Variants in ABCB5 observed in about 807,000 individuals in gnomAD.
ABCB5 encodes ATP binding cassette subfamily B member 5, also known as ATP-binding cassette sub-family B member 5.
ABCB5 carries 155 observed loss-of-function variants against 144.2 expected under a neutral mutation model. That is an observed-to-expected ratio of 1.08 (90% CI 0.94 to 1.23). The LOEUF (loss-of-function observed/expected upper bound fraction) is 1.23. ABCB5 is among the 50% of genes most tolerant of loss of function. The pLI, the probability that ABCB5 is intolerant of heterozygous loss-of-function variation, is 0.00. For synonymous variants in ABCB5, 610 were observed against 528.6 expected (o/e 1.15, Z -2.11); for missense variants, 1,830 against 1,520.8 (o/e 1.20, Z -3.38).
intron 21 of ABCB5, among the ~76,000 whole-genome samples, chr7:20,725,318 C>T (rs1196963514): frequency 2.6e-5 from 4 of 152,244 alleles, no homozygotes; most frequent in East Asian, 1.9e-4. Flanking sequence ...CGCTGGCTTA[C>T]GCCTGTAATC....
intron 1 of ABCB5, among the ~76,000 whole-genome samples, chr7:20,616,591 A>G (rs1000118935): frequency 6.6e-6 from 1 of 152,200 alleles, no homozygotes; most frequent in Non-Finnish European, 1.5e-5. Flanking sequence ...ACTTGCCATG[A>G]TAGCATCCAC....
intron 16 of ABCB5, among the ~76,000 whole-genome samples, chr7:20,690,934 T>C (rs563749192): frequency 3.9e-4 from 59 of 152,320 alleles, no homozygotes; most frequent in African/African-American, 1.3e-3. Flanking sequence ...ATTTTCACTT[T>C]CAACCAAGAT....
At chr7:20,724,896 T>A (rs1015280595) in intron 21 of ABCB5, among the ~76,000 whole-genome samples, 1 of 152,206 alleles carries the variant, frequency 6.6e-6, no homozygotes, top group Non-Finnish European at 1.5e-5. Flanking sequence ...TTGGATTGTT[T>A]GCTTGTGCTG....
At chr7:20,662,839 C>T (rs1363077418) in intron 14 of ABCB5, among the ~76,000 whole-genome samples, 2 of 152,062 alleles carry the variant, frequency 1.3e-5, no homozygotes, top group African/African-American at 2.4e-5. Flanking sequence ...AATAAACCAC[C>T]ATAACTCTTT....
Position 20,666,815 on chromosome 7 carries a change from A to G in ABCB5, c.1707+8139A>G, listed in dbSNP as rs761627121. ...TCTACCACACTATCTACGTTGAGGT[A>G]TCTGGAACCACAGTGGTATGAATTG... On this transcript the variant is annotated intron_variant, in intron 14 of 27. Coordinates refer to ENST00000404938, the MANE Select transcript of ABCB5 (RefSeq NM_001163941.2). 6.4e-6 allele frequency: 10 copies of G among 1,574,000 alleles called. No individual in the cohort carries two copies. In the South Asian group the frequency reaches 8.6e-5, roughly 13 times the overall value.
At chr7:20,667,847 G>C (rs1245255016) in intron 14 of ABCB5, among the ~76,000 whole-genome samples, 20 of 150,128 alleles carry the variant, frequency 1.3e-4, no homozygotes, top group Non-Finnish European at 2.4e-4. Context: ...TCAGCCTGCC[G>C]AGTGCCTGCG....
chr7:20,645,777 A>G lies in ABCB5; in HGVS notation c.700A>G (p.Lys234Glu), dbSNP rs746834535. 6.2e-7 allele frequency: 1 copy of G among 1,613,852 alleles called. No individual in the cohort carries two copies. Residue 234 changes from lysine (K) to glutamate (E), a missense_variant, in exon 8 of 28, where the codon AAG becomes GAG. Physicochemically the swap from Lys to Glu is moderately conservative, Grantham distance 56 (BLOSUM62 1). Coordinates refer to ENST00000404938, the MANE Select transcript of ABCB5 (RefSeq NM_001163941.2). The part of the protein sequence containing the change: ...CSRMVISLTS[K>E]ELSAYSKAGA... ...ACAGATGGTCATCTCATTGACCAGT[A>G]AGGAATTAAGTGCCTATTCCAAAGC... is the stretch of plus-strand genomic sequence containing the variant.
intron 14 of ABCB5, among the ~76,000 whole-genome samples, chr7:20,673,835 G>C (rs1359643395): frequency 6.6e-6 from 1 of 151,628 alleles, no homozygotes; most frequent in East Asian, 1.9e-4. Flanking sequence ...ATCGATTCTT[G>C]GTTTCTGCTT....
intron 20 of ABCB5, among the ~76,000 whole-genome samples, chr7:20,717,408 A>G (rs183482298): frequency 2.9e-3 from 430 of 147,752 alleles, no homozygotes; most frequent in African/African-American, 0.01. Flanking sequence ...TTCTCTGTGT[A>G]TGCAGTGTCT....
chr7:20,723,314 T>C (rs62453385), intron 21 of ABCB5, 95 bp downstream of exon 21: 433,139 of 1,260,398 alleles, frequency 0.34, 77,791 homozygotes, highest in Middle Eastern at 0.38. Context: ...TAACCATCTT[T>C]ATGATATATT....
At chr7:20,692,270 A>C (rs572896038) in intron 16 of ABCB5, among the ~76,000 whole-genome samples, 13 of 152,192 alleles carry the variant, frequency 8.5e-5, no homozygotes, top group Non-Finnish European at 1.8e-4. Context: ...GATGAGGAAA[A>C]AGACAAGAAA....
At chr7:20,716,259 T>C (rs939617332) in intron 20 of ABCB5, among the ~76,000 whole-genome samples, 1 of 152,056 alleles carries the variant, frequency 6.6e-6, no homozygotes. Flanking sequence ...TTAATACATG[T>C]ATCAAGGTCT....
At chr7:20,649,884 A>G in intron 11 of ABCB5, 138 bp from the exon 12 acceptor site, 2 of 919,954 alleles carry the variant, frequency 2.2e-6, no homozygotes, top group Admixed American at 2.8e-5. Context: ...ACACATGTAC[A>G]TGAAACAAAC....
At chr7:20,713,559 C>T (rs578071475) in intron 20 of ABCB5, among the ~76,000 whole-genome samples, 1 of 149,750 alleles carries the variant, frequency 6.7e-6, no homozygotes, top group Admixed American at 6.7e-5. Context: ...TGACTGGATG[C>T]TACACATTGT....
chr7:20,646,425 T>C (rs1357208964), intron 9 of ABCB5, among the ~76,000 whole-genome samples: 1 of 152,194 alleles, frequency 6.6e-6, no homozygotes, highest in African/African-American at 2.4e-5. Context: ...TTTGTTAATC[T>C]AGCAGTGAAA....
intron 1 of ABCB5, 77 bp from the exon 2 acceptor site, chr7:20,623,188 G>A: frequency 1.2e-6 from 1 of 839,570 alleles, no homozygotes; most frequent in East Asian, 2.7e-5. Context: ...AGAGATGTGG[G>A]ATGTAAAGAA....
chr7:20,675,295 C>T (rs1459745608), intron 14 of ABCB5, among the ~76,000 whole-genome samples: 1 of 151,950 alleles, frequency 6.6e-6, no homozygotes, highest in Non-Finnish European at 1.5e-5. Flanking sequence ...TAAAAATAAA[C>T]ATGGAGGCCA....
intron 1 of ABCB5, 45 bp from the exon 2 acceptor site, chr7:20,623,220 T>A: frequency 2.6e-6 from 3 of 1,142,174 alleles, no homozygotes; most frequent in South Asian, 2.7e-5. Context: ...AACTAAGTGA[T>A]AAAAGTCACA....
chr7:20,720,294 CATT>C (rs1781818037), intron 20 of ABCB5, among the ~76,000 whole-genome samples: 1 of 152,270 alleles, frequency 6.6e-6, no homozygotes, highest in South Asian at 2.1e-4. Context: ...ATTTAAAAGT[CATT>C]AGTTCATACT....
Sources: gnomAD v4.1 joint callset for allele counts (sites outside exome capture counted in the v4.1 genomes callset) on GRCh38, gnomAD v4.1.1 for gene constraint, MANE v1.5 for transcripts, NCBI Gene and HGNC (gene_info 2026-07-23, HGNC 2026-07-21) for gene names.